Variants in EFL1 observed in about 807,000 individuals in gnomAD.
EFL1 encodes the protein elongation factor like GTPase 1, also known as elongation factor-like GTPase 1.
In EFL1, 76 loss-of-function variants were observed where a neutral mutation model predicts 126.7. That is an observed-to-expected ratio of 0.60 (90% CI 0.50 to 0.73). The LOEUF is 0.73. Among genes scored for constraint, EFL1 ranks in the 30% least tolerant of loss-of-function variants. EFL1 has a pLI of 0.00. For missense variants in EFL1, 1,128 were observed against 1,343.2 expected, an observed-to-expected ratio of 0.84 and a Z score of 2.50; for synonymous variants, 410 against 448.4, an observed-to-expected ratio of 0.91 and a Z score of 1.08.
chr15:82,164,032 G>C, intron 15 of EFL1, 48 bp from the exon 16 acceptor site: 1 of 1,597,290 alleles, frequency 6.3e-7, no homozygotes, highest in Non-Finnish European at 8.5e-7. Flanking sequence ...GATAAATTCT[G>C]AATTTATGTC....
At chr15:82,215,527 A>G (rs1181588999) in intron 14 of EFL1, 1 of 152,168 alleles carries the variant, frequency 6.6e-6, no homozygotes, top group Non-Finnish European at 1.5e-5. Flanking sequence ...TTATGGAACT[A>G]TTGTCTCAAA....
intron 16 of EFL1, among the ~76,000 whole-genome samples, chr15:82,159,584 C>T (rs1267263754): frequency 6.7e-6 from 1 of 150,292 alleles, no homozygotes; most frequent in Non-Finnish European, 1.5e-5. Flanking sequence ...AACATAAATA[C>T]TTCATGTATA....
chr15:82,211,595 GAC>G (rs10543301), intron 15 of EFL1, among the ~76,000 whole-genome samples: 26,463 of 105,540 alleles, frequency 0.25, 3,520 homozygotes, highest in Middle Eastern at 0.33. Context: ...ACACATACTA[GAC>G]ACACACACAC....
chr15:82,202,438 A>C (rs146935496), intron 15 of EFL1, among the ~76,000 whole-genome samples: 471 of 152,248 alleles, frequency 3.1e-3, no homozygotes, highest in African/African-American at 0.011. Flanking sequence ...CTATTTGTTA[A>C]TTATAATATT....
At chr15:82,160,600 T>C (rs1328106420) in intron 16 of EFL1, among the ~76,000 whole-genome samples, 1 of 152,224 alleles carries the variant, frequency 6.6e-6, no homozygotes, top group Non-Finnish European at 1.5e-5. Flanking sequence ...ATAATGTATA[T>C]AAAACAGCAC....
intron 4 of EFL1, among the ~76,000 whole-genome samples, chr15:82,244,445 C>T (rs907965881): frequency 2.0e-5 from 3 of 152,072 alleles, no homozygotes; most frequent in Non-Finnish European, 4.4e-5. Flanking sequence ...AATGATCTTT[C>T]CGATTTGTAA....
At chr15:82,246,089 C>T (rs1262905076) in intron 4 of EFL1, among the ~76,000 whole-genome samples, 2 of 152,110 alleles carry the variant, frequency 1.3e-5, no homozygotes, top group Admixed American at 1.3e-4. Flanking sequence ...AGACCACGTA[C>T]AGACCACTTC....
chr15:82,152,903 G>T (rs995833785), intron 17 of EFL1, among the ~76,000 whole-genome samples: 22 of 152,146 alleles, frequency 1.4e-4, no homozygotes, highest in African/African-American at 5.3e-4. Context: ...GAGGCTTATA[G>T]CAAGGCTAGC....
chr15:82,154,799 T>C (rs2073950249), intron 17 of EFL1, among the ~76,000 whole-genome samples: 1 of 152,192 alleles, frequency 6.6e-6, no homozygotes, highest in African/African-American at 2.4e-5. Flanking sequence ...TCTTGCTCTG[T>C]CACCCAGCCT....
At chr15:82,176,580 A>G (rs1278008787) in intron 15 of EFL1, among the ~76,000 whole-genome samples, 1 of 152,190 alleles carries the variant, frequency 6.6e-6, no homozygotes, top group Non-Finnish European at 1.5e-5. Context: ...AATGAAAAGG[A>G]CCTTTCACTT....
At chr15:82,174,745 C>T (rs907315129) in intron 15 of EFL1, among the ~76,000 whole-genome samples, 1 of 152,144 alleles carries the variant, frequency 6.6e-6, no homozygotes, top group African/African-American at 2.4e-5. Context: ...ACTGCCAAAC[C>T]CTAATCTCCA....
chr15:82,168,367 A>C (rs2074100057), intron 15 of EFL1, among the ~76,000 whole-genome samples: 1 of 152,202 alleles, frequency 6.6e-6, no homozygotes, highest in Admixed American at 6.5e-5. Flanking sequence ...AAGTCTGTCC[A>C]TCATGCTAAA....
chr15:82,232,660 C>G (rs535054562), intron 7 of EFL1, among the ~76,000 whole-genome samples: 6 of 152,288 alleles, frequency 3.9e-5, no homozygotes, highest in African/African-American at 1.4e-4. Context: ...TATTGCCAAA[C>G]CTCTCTTTTC....
intron 10 of EFL1, among the ~76,000 whole-genome samples, chr15:82,227,907 T>C (rs1343746186): frequency 6.6e-6 from 1 of 152,192 alleles, no homozygotes; most frequent in Non-Finnish European, 1.5e-5. Flanking sequence ...CTACTTATAT[T>C]TGAATCTTAG....
At chr15:82,173,918 G>A (rs1435480342) in intron 15 of EFL1, among the ~76,000 whole-genome samples, 1 of 152,004 alleles carries the variant, frequency 6.6e-6, no homozygotes, top group Non-Finnish European at 1.5e-5. Context: ...GGCCAGGCGC[G>A]GTGGCTCACA....
chr15:82,197,068 T>C (rs1271420054), intron 15 of EFL1, among the ~76,000 whole-genome samples: 2 of 152,070 alleles, frequency 1.3e-5, no homozygotes, highest in Non-Finnish European at 2.9e-5. Flanking sequence ...TCATTGTTAG[T>C]ATCAGTTAAC....
intron 15 of EFL1, among the ~76,000 whole-genome samples, chr15:82,203,736 T>C (rs2074495669): frequency 6.6e-6 from 1 of 152,230 alleles, no homozygotes; most frequent in South Asian, 2.1e-4. Flanking sequence ...AAATTAATTC[T>C]ATTTGTGAGA....
At chr15:82,206,940 A>C (rs2141287559) in intron 15 of EFL1, among the ~76,000 whole-genome samples, 1 of 152,236 alleles carries the variant, frequency 6.6e-6, no homozygotes, top group South Asian at 2.1e-4. Flanking sequence ...ATACACAAAA[A>C]ACTACAGACC....
At chr15:82,224,685 T>TA (rs1364995731) in intron 12 of EFL1, among the ~76,000 whole-genome samples, 3 of 151,936 alleles carry the variant, frequency 2.0e-5, no homozygotes, top group Admixed American at 6.6e-5. Flanking sequence ...GGAACACACA[T>TA]AAAAAACAGG....
Sources: gnomAD v4.1 joint callset for allele counts (sites outside exome capture counted in the v4.1 genomes callset) on GRCh38, gnomAD v4.1.1 for gene constraint, MANE v1.5 for transcripts, NCBI Gene and HGNC (gene_info 2026-07-23, HGNC 2026-07-21) for gene names.